NKD1: variants seen among roughly 807,000 people sequenced by gnomAD.
NKD1 encodes protein naked cuticle homolog 1.
NKD1 carries 21 observed loss-of-function variants against 56.0 expected under a neutral mutation model. That is an observed-to-expected ratio of 0.38 (90% confidence interval 0.27 to 0.54). The LOEUF (loss-of-function observed/expected upper bound fraction) is 0.54, where lower values mean the gene tolerates loss of function less well. Ranked by LOEUF, NKD1 falls within the 20% of genes least tolerant of loss-of-function variation. NKD1 has a pLI of 0.82. For missense variants in NKD1, 578 were observed against 642.7 expected (o/e 0.90, Z 1.09); for synonymous variants, 263 against 265.7 (o/e 0.99, Z 0.10).
chr16:50,646,745 G>A lies in NKD1; in HGVS notation c.*12964G>A, dbSNP rs1024891205. On this transcript the variant is annotated 3_prime_UTR_variant, in exon 10 of 10. Transcript: ENST00000268459. The stretch of plus-strand genomic sequence containing the variant: ...CCTGGAACACCCAAGGGGGCTCCAA[G>A]GCAGGATGGGACCCCCTGGTTTGGG... 1.3e-5 allele frequency: 2 copies of A among 152,494 alleles called. No individual in the cohort carries two copies. The highest frequency in any genetic ancestry group is 4.8e-5 in the African/African-American group (2 of 41,596). 9.4% of individuals were successfully genotyped at this position (152,494 alleles called of 1,614,324 possible).
chr16:50,548,560 A>G lies in NKD1; in HGVS notation c.7A>G (p.Lys3Glu). The G allele has an allele frequency of 6.8e-7, 1 of 1,468,436 alleles. No homozygotes were observed. Among genetic ancestry groups the G allele is most frequent in the Non-Finnish European group, 9.0e-7 (1 of 1,115,742 alleles). The allele number at this position is 1,468,436 out of a possible 1,614,324, so 91.0% of individuals were successfully genotyped here. The part of the protein sequence containing the change: MG[K>E]LHSKPAAVCK... ...CGGCCGCCGCAGCCCCAGCATGGGGAAACTTCACTCCAAGCCGGGTCAGTG... is the reference window on the plus strand; with the variant it reads ...CGGCCGCCGCAGCCCCAGCATGGGGGAACTTCACTCCAAGCCGGGTCAGTG... The change falls in exon 1 of 10, where the codon AAA becomes GAA. Residue 3 changes from lysine (K) to glutamate (E), a missense_variant. Lys to Glu is a moderately conservative substitution (Grantham distance 56). Coordinates refer to ENST00000268459, the MANE Select transcript of NKD1 (RefSeq NM_033119.5).
chr16:50,556,790 C>A (rs570514685), intron 3 of NKD1: 1 of 148,684 alleles, frequency 6.7e-6, no homozygotes, highest in Non-Finnish European at 1.5e-5. Flanking sequence ...CCCAGGCTGG[C>A]CTTAAACTCC....
At chr16:50,564,192 G>A (rs1009340605) in intron 3 of NKD1, among the ~76,000 whole-genome samples, 5 of 152,254 alleles carry the variant, frequency 3.3e-5, no homozygotes, top group Admixed American at 6.5e-5. Context: ...CATGGCCATG[G>A]TGGGGAATGA....
chr16:50,557,754 T>C (rs1567333584), intron 3 of NKD1: 1 of 152,262 alleles, frequency 6.6e-6, no homozygotes, highest in Non-Finnish European at 1.5e-5. Flanking sequence ...TATTTTACTT[T>C]GGATCTTTGC....
chr16:50,549,524 G>T lies in NKD1; in HGVS notation c.161G>T (p.Arg54Leu), dbSNP rs763782719. The T allele has an allele frequency of 7.5e-6, 12 of 1,606,970 alleles. No individual in the cohort carries two copies. The highest frequency in any genetic ancestry group is 2.2e-5 in the South Asian group (2 of 90,604). The change falls in exon 3 of 10, where the codon CGG (arginine) becomes CTG (leucine). Residue 54 changes from arginine to leucine, a missense_variant. Arg to Leu is a moderately radical substitution (Grantham distance 102). Coordinates refer to ENST00000268459, the MANE Select transcript of NKD1 (RefSeq NM_033119.5). Reference sequence around the variant, plus strand: ...GGTGTCTCGGGACCCCGACAGCTGCGGTTGGCGGGCACCATAGGCCGAAGC... The same window carrying T: ...GGTGTCTCGGGACCCCGACAGCTGCTGTTGGCGGGCACCATAGGCCGAAGC... ...PGGVSGPRQL[R>L]LAGTIGRSTR...
In NKD1 at chr16:50,608,304, G is replaced by A. The variant is rs775680781; in HGVS notation, c.203G>A (p.Gly68Asp). Residue 68 changes from glycine to aspartate, a missense_variant, in exon 4 of 10, where the codon GGC (glycine) becomes GAC (aspartate). Coordinates refer to ENST00000268459, the MANE Select transcript of NKD1 (RefSeq NM_033119.5). ...TCTGTCTTCTTGTAGGAGCTCGTGGGCGACGTGTTGAGAGACACGCTCAGC... is the reference window on the plus strand; with the variant it reads ...TCTGTCTTCTTGTAGGAGCTCGTGGACGACGTGTTGAGAGACACGCTCAGC... The part of the protein sequence containing the change: ...TIGRSTRELV[G>D]DVLRDTLSEE... 2.5e-6 allele frequency: 4 copies of A among 1,612,972 alleles called. No homozygotes were observed. In the African/African-American group the frequency reaches 5.3e-5, roughly 22 times the overall value.
intron 3 of NKD1, chr16:50,606,578 C>A (rs1040011808): frequency 5.7e-6 from 2 of 349,912 alleles, no homozygotes; most frequent in South Asian, 2.1e-5. Context: ...TGAGCACATG[C>A]GGTCATTGTC....
At position 50,589,771 on chromosome 16, in the gene NKD1, C is replaced by T. The variant is rs371791631; in HGVS notation, c.193-18523C>T. On this transcript the variant is annotated intron_variant, in intron 3 of 9. Transcript: ENST00000268459. ...TCTCTTCTCTTCTCTTCTCTCCTCT[C>T]CTCTCCTCTCCTCTCCTCTCCTCTC... 5.8e-3 allele frequency among the ~76,000 whole-genome samples: 388 copies of T among 67,404 alleles called. 55 individuals carry two copies. The highest frequency in any genetic ancestry group is 0.017 in the African/African-American group (247 of 14,920). The allele number at this position is 67,404 out of a possible 152,430, so 44.2% of individuals were successfully genotyped here.
At position 50,635,593 on chromosome 16, in the gene NKD1, AATTTT is replaced by A. The variant is rs1283908692; in HGVS notation, c.*1816_*1820del. 3 of 152,224 alleles carry A rather than the reference AATTTT, an allele frequency of 2.0e-5. No individual in the cohort carries two copies. The highest frequency in any genetic ancestry group is 7.2e-5 in the African/African-American group (3 of 41,452). 9.4% of individuals were successfully genotyped at this position (152,224 alleles called of 1,614,324 possible). On this transcript the variant is annotated 3_prime_UTR_variant, in exon 10 of 10. Transcript: ENST00000268459. The surrounding 1 kb of genome is among the most constrained non-coding windows in gnomAD (Gnocchi z 4.1). Reference sequence around the variant, plus strand: ...TGGGCTTAGTTGTCACCGTATTCTTAATTTTATTAATGACTGATGTGCCTGGGATT... The same window carrying A: ...TGGGCTTAGTTGTCACCGTATTCTTAATTAATGACTGATGTGCCTGGGATT...
chr16:50,580,897 G>C (rs1042495296), intron 3 of NKD1, among the ~76,000 whole-genome samples: 2 of 151,946 alleles, frequency 1.3e-5, no homozygotes, highest in Non-Finnish European at 2.9e-5. Flanking sequence ...TTTGCACATT[G>C]GTTTTCTATA....
At chr16:50,613,591 C>G (rs1158366491) in intron 4 of NKD1, 1 of 152,220 alleles carries the variant, frequency 6.6e-6, no homozygotes, top group African/African-American at 2.4e-5. Context: ...ACTTTGTTAC[C>G]TTGGCAGTTT....
chr16:50,594,699 G>A (rs779111667), intron 3 of NKD1, among the ~76,000 whole-genome samples: 6 of 152,170 alleles, frequency 3.9e-5, no homozygotes, highest in Admixed American at 2.0e-4. Flanking sequence ...CACCTGGGGT[G>A]GGGACACGGC....
At chr16:50,582,003 C>T (rs191340961) in intron 3 of NKD1, among the ~76,000 whole-genome samples, 2 of 152,168 alleles carry the variant, frequency 1.3e-5, no homozygotes, top group Non-Finnish European at 2.9e-5. Flanking sequence ...CCTTGTTGAT[C>T]TCTGGAAGCT....
chr16:50,574,604 C>T (rs1596714541), intron 3 of NKD1: 1 of 985,434 alleles, frequency 1.0e-6, no homozygotes, highest in Non-Finnish European at 1.2e-6. Flanking sequence ...GCCTCGCAGG[C>T]CTGGCCTCCA....
In NKD1 at chr16:50,549,465, C is replaced by T. The variant is rs200533326; in HGVS notation, c.102C>T (p.Ile34=). The T allele has an allele frequency of 2.5e-6, 4 of 1,611,160 alleles. No individual in the cohort carries two copies. Among genetic ancestry groups the T allele is most frequent in the East Asian group, 2.2e-5 (1 of 44,538 alleles). ...AVSAAWARKG[I]EEWIGRQRCP... The stretch of plus-strand genomic sequence containing the variant: ...GCGCTGCCTGGGCTCGGAAGGGCAT[C>T]GAGGAGTGGATCGGGAGACAGCGCT... The change falls in exon 3 of 10, where the codon ATC becomes ATT. Residue 34 remains isoleucine, a synonymous_variant. Coordinates refer to ENST00000268459, the MANE Select transcript of NKD1 (RefSeq NM_033119.5).
At chr16:50,600,485 A>C (rs1330468256) in intron 3 of NKD1, among the ~76,000 whole-genome samples, 2 of 151,998 alleles carry the variant, frequency 1.3e-5, no homozygotes, top group Admixed American at 1.3e-4. Context: ...AAACCAAACC[A>C]AGGCCCCCAA....
Position 50,620,244 on chromosome 16 carries a change from G to C in NKD1, c.260-1358G>C, listed in dbSNP as rs375441652. Among the ~76,000 whole-genome samples, 4 of 152,388 alleles carry C rather than the reference G, an allele frequency of 2.6e-5. No homozygotes were observed. The East Asian group carries it at 7.7e-4, about 29-fold the overall frequency. ...GGACCAGAGCAGAGCAGGAGAGCTG[G>C]GGCCCAGGCCCACTGGGGGCATCTC... On this transcript the variant is annotated intron_variant, in intron 4 of 9. Transcript: ENST00000268459.
chr16:50,588,484 C>T (rs1377004340), intron 3 of NKD1, among the ~76,000 whole-genome samples: 2 of 152,166 alleles, frequency 1.3e-5, no homozygotes, highest in African/African-American at 4.8e-5. Context: ...AATGAAGCAG[C>T]AGCTCAGCAG....
chr16:50,588,511 C>T (rs1003372756), intron 3 of NKD1, among the ~76,000 whole-genome samples: 3 of 152,140 alleles, frequency 2.0e-5, no homozygotes, highest in Admixed American at 2.0e-4. Flanking sequence ...TAGAGCTCAG[C>T]CTCATGCCCA....
Sources: gnomAD v4.1 joint callset for allele counts (sites outside exome capture counted in the v4.1 genomes callset) on GRCh38, gnomAD v4.1.1 for gene constraint, Gnocchi (gnomAD v3.1) non-coding constraint, MANE v1.5 for transcripts, NCBI Gene and HGNC (gene_info 2026-07-23, HGNC 2026-07-21) for gene names.